PRPF4: variants seen among roughly 807,000 people sequenced by gnomAD.
The protein encoded by PRPF4 is pre-mRNA splicing tri-snRNP complex factor PRPF4.
A neutral mutation model predicts 72.2 loss-of-function variants in PRPF4; 14 were observed. That is an observed-to-expected ratio of 0.19 (90% CI 0.13 to 0.30). PRPF4 has a LOEUF of 0.30. PRPF4 is among the 10% of genes least tolerant of loss of function. PRPF4 has a pLI of 1.00. For synonymous variants in PRPF4, 225 were observed against 232.2 expected, an observed-to-expected ratio of 0.97 and a Z score of 0.28; for missense variants, 478 against 653.9, an observed-to-expected ratio of 0.73 and a Z score of 2.93.
At chr9:113,283,294 T>C (rs1297227615) in intron 5 of PRPF4, 83 bp downstream of exon 5, 1 of 1,612,560 alleles carries the variant, frequency 6.2e-7, no homozygotes, top group Non-Finnish European at 8.5e-7. Context: ...ATAATGACTA[T>C]GGTTGTTAAA....
At chr9:113,290,229 A>G (rs951770365) in intron 10 of PRPF4, among the ~76,000 whole-genome samples, 1 of 149,600 alleles carries the variant, frequency 6.7e-6, no homozygotes, top group Admixed American at 6.7e-5. Flanking sequence ...CAAAAGAAGA[A>G]AAAAAAAAAA....
At chr9:113,286,376 A>G (rs538775068) in intron 8 of PRPF4, 86 bp downstream of exon 8, 1 of 1,226,752 alleles carries the variant, frequency 8.2e-7, no homozygotes, top group East Asian at 2.3e-5. Flanking sequence ...CTCAGACCCC[A>G]TACACACAGC....
At chr9:113,282,495 A>C in intron 3 of PRPF4, 151 bp from the exon 4 acceptor site, 1 of 536,778 alleles carries the variant, frequency 1.9e-6, no homozygotes, top group Non-Finnish European at 3.2e-6. Context: ...AAAGGTTGCT[A>C]GGTGGTTTGA....
At chr9:113,282,505 A>C (rs1222667533) in intron 3 of PRPF4, 141 bp from the exon 4 acceptor site, 2 of 617,112 alleles carry the variant, frequency 3.2e-6, no homozygotes, top group Non-Finnish European at 2.7e-6. Context: ...AGGTGGTTTG[A>C]ACAGTGAGAG....
In PRPF4 at chr9:113,291,745, T is replaced by C. The variant is rs756049124; in HGVS notation, c.*85T>C. On this transcript the variant is annotated 3_prime_UTR_variant, in exon 14 of 14. Coordinates refer to ENST00000374198, the MANE Select transcript of PRPF4 (RefSeq NM_001244926.2). ...CGAGAAGAATTGAAGTGTTTAGTTCTATCATGTTTTCTGCCAATTACCATG... is the reference window on the plus strand; with the variant it reads ...CGAGAAGAATTGAAGTGTTTAGTTCCATCATGTTTTCTGCCAATTACCATG... 5 of 1,347,088 alleles carry C rather than the reference T, an allele frequency of 3.7e-6. No homozygotes were observed. Among genetic ancestry groups the C allele is most frequent in the Non-Finnish European group, 5.1e-6 (5 of 986,252 alleles). 83.4% of individuals were successfully genotyped at this position (1,347,088 alleles called of 1,614,324 possible). A position where few individuals can be genotyped will look rare whatever the true frequency, so the allele number is the denominator to read the frequency against.
chr9:113,281,040 C>CA (rs1832265214), intron 3 of PRPF4, among the ~76,000 whole-genome samples: 1 of 152,120 alleles, frequency 6.6e-6, no homozygotes, highest in Non-Finnish European at 1.5e-5. Context: ...GGGGTTTCAA[C>CA]ACGTTGGCCA....
At chr9:113,278,865 TAC>T (rs1832190303) in intron 2 of PRPF4, 78 bp from the exon 3 acceptor site, 1 of 1,424,724 alleles carries the variant, frequency 7.0e-7, no homozygotes, top group South Asian at 1.2e-5. Context: ...CCTCAGGGCA[TAC>T]ACAGACTGCA....
chr9:113,287,046 G>A (rs1588017134), intron 9 of PRPF4, among the ~76,000 whole-genome samples: 2 of 152,020 alleles, frequency 1.3e-5, no homozygotes, highest in South Asian at 2.1e-4. Context: ...GCAAGACTCC[G>A]TCTTGAAAGA....
At position 113,275,709 on chromosome 9, in the gene PRPF4, G is replaced by A; in HGVS notation, c.-35G>A. The stretch of plus-strand genomic sequence containing the variant: ...TGGACGGTCTGAAAGGGAGTGTTCG[G>A]GTTTCGCTGGGGCCTCGCGGCTCCA... On this transcript the variant is annotated 5_prime_UTR_variant, in exon 1 of 14. Coordinates refer to ENST00000374198, the MANE Select transcript of PRPF4 (RefSeq NM_001244926.2). The A allele has an allele frequency of 6.2e-7, 1 of 1,606,574 alleles. No individual in the cohort carries two copies. The highest frequency in any genetic ancestry group is 1.3e-5 in the African/African-American group (1 of 74,582).
Position 113,275,659 on chromosome 9 carries a change from C to A in PRPF4, c.-85C>A. 6.7e-7 allele frequency: 1 copy of A among 1,490,310 alleles called. No individual in the cohort carries two copies. The highest frequency in any genetic ancestry group is 9.1e-7 in the Non-Finnish European group (1 of 1,093,886). 92.3% of individuals were successfully genotyped at this position (1,490,310 alleles called of 1,614,324 possible). On this transcript the variant is annotated 5_prime_UTR_variant, in exon 1 of 14. Transcript: ENST00000374198. ...AGTGACGCACTTCCTGTCAGTGACG[C>A]ACTTCCCCTCTGCTGGGCGCGCGGT...
At chr9:113,289,729 A>G (rs930658738) in intron 10 of PRPF4, among the ~76,000 whole-genome samples, 1 of 152,224 alleles carries the variant, frequency 6.6e-6, no homozygotes. Flanking sequence ...TCATCTGACC[A>G]TATATGTGTG....
chr9:113,290,436 T>G (rs773578252), intron 10 of PRPF4, 30 bp from the exon 11 acceptor site: 2 of 1,613,848 alleles, frequency 1.2e-6, no homozygotes, highest in Admixed American at 3.3e-5. Flanking sequence ...AAATATCAGC[T>G]GGTTGATTGT....
chr9:113,276,756 C>T, intron 2 of PRPF4, 31 bp downstream of exon 2: 2 of 1,574,200 alleles, frequency 1.3e-6, no homozygotes, highest in Non-Finnish European at 1.7e-6. Flanking sequence ...CCATCTTTAC[C>T]TCTTTGTGTA....
chr9:113,275,914 G>A, intron 1 of PRPF4, 144 bp downstream of exon 1: 1 of 1,105,488 alleles, frequency 9.0e-7, no homozygotes, highest in Non-Finnish European at 1.2e-6. Context: ...GTCCTACACA[G>A]CGGACCACCG....
rs754855066 is a variant in PRPF4 at position 113,275,727 on chromosome 9, C to G, written c.-17C>G. 2 of 1,608,668 alleles carry G rather than the reference C, an allele frequency of 1.2e-6. No homozygotes were observed. Among genetic ancestry groups the G allele is most frequent in the African/African-American group, 2.7e-5 (2 of 74,502 alleles). ...GTGTTCGGGTTTCGCTGGGGCCTCG[C>G]GGCTCCAGAGCCCAGCATGGCTTCC... On this transcript the variant is annotated 5_prime_UTR_variant, in exon 1 of 14. Coordinates refer to ENST00000374198, the MANE Select transcript of PRPF4 (RefSeq NM_001244926.2).
rs377594001 is a variant in PRPF4, at chr9:113,283,088, G to A, written c.481-44G>A. ...AGAAATGACAGTTATAAGAGGAGTA[G>A]AATGCTTCAGATTTGACCTTTCTGC... On this transcript the variant is annotated intron_variant, in intron 4 of 13. Transcript: ENST00000374198. 12 of 1,613,706 alleles carry A rather than the reference G, an allele frequency of 7.4e-6. No homozygotes were observed. The African/African-American group carries it at 1.2e-4, about 16-fold the overall frequency.
Position 113,291,923 on chromosome 9 carries a change from T to C in PRPF4, c.*263T>C. ...TGTGTAGACATTGTTTTTATTAATC[T>C]TTTGTTTGGCCGGGCGTGGTGGCTC... On this transcript the variant is annotated 3_prime_UTR_variant, in exon 14 of 14. Transcript: ENST00000374198. 1 of 286,526 alleles carries C rather than the reference T, an allele frequency of 3.5e-6. No individual in the cohort carries two copies. Among genetic ancestry groups the C allele is most frequent in the Non-Finnish European group, 6.6e-6 (1 of 152,292 alleles). The allele number at this position is 286,526 out of a possible 1,614,324, so 17.7% of individuals were successfully genotyped here.
intron 9 of PRPF4, among the ~76,000 whole-genome samples, chr9:113,287,663 T>G (rs1832490040): frequency 6.6e-6 from 1 of 152,264 alleles, no homozygotes. Flanking sequence ...TGAGTTTTAA[T>G]TGGCTTTGGT....
At position 113,277,626 on chromosome 9, in the gene PRPF4, T is replaced by C. The variant is rs541726914; in HGVS notation, c.205+901T>C. On this transcript the variant is annotated intron_variant, in intron 2 of 13. Transcript: ENST00000374198. Reference sequence around the variant, plus strand: ...GTCTCCAACTCCTGACCTCAAATGATCCGCCCACCTCGGCCTCCCAAAGTG... The same window carrying C: ...GTCTCCAACTCCTGACCTCAAATGACCCGCCCACCTCGGCCTCCCAAAGTG... Among the ~76,000 whole-genome samples, 170 of 152,188 alleles carry C rather than the reference T, an allele frequency of 1.1e-3. 4 individuals are homozygous for C. The South Asian group carries it at 0.034, about 30-fold the overall frequency.
Sources: allele counts gnomAD v4.1 joint callset (sites outside exome capture counted in the v4.1 genomes callset), GRCh38; gene constraint gnomAD v4.1.1; transcripts MANE v1.5; gene names NCBI Gene and HGNC (gene_info 2026-07-23, HGNC 2026-07-21).